The following RNGTT variants were observed in gnomAD, a reference collection of about 807,000 sequenced individuals.
RNGTT encodes the protein mRNA-capping enzyme.
A neutral mutation model predicts 79.3 loss-of-function variants in RNGTT; 33 were observed. That is an observed-to-expected ratio of 0.42 (90% CI 0.32 to 0.56). The LOEUF is 0.56. RNGTT is among the 20% of genes least tolerant of loss of function. The pLI, the probability that RNGTT is intolerant of heterozygous loss-of-function variation, is 0.17. For missense variants in RNGTT, 497 were observed against 739.1 expected (o/e 0.67, Z 3.80); for synonymous variants, 222 against 235.9 (o/e 0.94, Z 0.54).
chr6:88,724,408 G>A (rs532483440), intron 13 of RNGTT, among the ~76,000 whole-genome samples: 30 of 152,134 alleles, frequency 2.0e-4, no homozygotes, highest in Non-Finnish European at 4.0e-4. Flanking sequence ...ACAATATTTA[G>A]TATAGTAATA....
Position 88,929,034 on chromosome 6 carries a change from A to C in RNGTT, c.318T>G (p.Phe106Leu), listed in dbSNP as rs1310745040. 1 of 1,613,378 alleles carries C rather than the reference A, an allele frequency of 6.2e-7. No individual in the cohort carries two copies. The highest frequency in any genetic ancestry group is 1.7e-5 in the Admixed American group (1 of 59,946). ...ECPTTENTET[F>L]IRLCERFNER... is the part of the protein sequence containing the mutation. ...CATTAAACCGCTCACACAGACGAATAAAGGTCTCAGTATTCTCAGTGGTAG... is the reference window on the plus strand; with the variant it reads ...CATTAAACCGCTCACACAGACGAATCAAGGTCTCAGTATTCTCAGTGGTAG... Residue 106 changes from phenylalanine (F) to leucine (L), a missense_variant, in exon 4 of 16, where the codon TTT becomes TTG. Phe to Leu is a conservative substitution (Grantham distance 22). Around this residue, in one of 3 missense-constraint regions of RNGTT, gnomAD observed 440 missense variants for 671.5 expected, o/e 0.66. Transcript: ENST00000369485.
intron 13 of RNGTT, among the ~76,000 whole-genome samples, chr6:88,745,783 A>G (rs925290891): frequency 6.6e-6 from 1 of 152,110 alleles, no homozygotes; most frequent in African/African-American, 2.4e-5. Context: ...AGCAGAAGAA[A>G]AAAAGGCTAG....
intron 13 of RNGTT, among the ~76,000 whole-genome samples, chr6:88,703,004 C>A (rs1474716153): frequency 6.6e-6 from 1 of 152,010 alleles, no homozygotes; most frequent in Admixed American, 6.6e-5. Context: ...AAATGAAATA[C>A]CATCTCACAC....
intron 11 of RNGTT, among the ~76,000 whole-genome samples, chr6:88,825,545 T>C (rs1780628791): frequency 6.6e-6 from 1 of 152,244 alleles, no homozygotes; most frequent in Non-Finnish European, 1.5e-5. Flanking sequence ...TTTAAATAAA[T>C]ACAGCCTATT....
chr6:88,819,252 T>G (rs1044197804), intron 11 of RNGTT, among the ~76,000 whole-genome samples: 1 of 152,024 alleles, frequency 6.6e-6, no homozygotes, highest in African/African-American at 2.4e-5. Flanking sequence ...AGCACCTAAC[T>G]GAACTATAGA....
chr6:88,674,995 G>C lies in RNGTT; in HGVS notation c.1506+3358C>G, dbSNP rs188754331. 3.6e-3 allele frequency among the ~76,000 whole-genome samples: 540 copies of C among 152,086 alleles called. 1 individual carries two copies. The highest frequency in any genetic ancestry group is 5.9e-3 in the Non-Finnish European group (401 of 67,980). The stretch of plus-strand genomic sequence containing the variant: ...AGCCTGTAATCTCAGCTACTCGGGA[G>C]GCTGAGGCAGGAGAATCACTTGAAC... On this transcript the variant is annotated intron_variant, in intron 14 of 15. Transcript: ENST00000369485.
intron 4 of RNGTT, among the ~76,000 whole-genome samples, chr6:88,927,450 G>A (rs1300753583): frequency 1.3e-5 from 2 of 152,060 alleles, no homozygotes; most frequent in Admixed American, 6.6e-5. Flanking sequence ...ATCACCTGAG[G>A]TTGGGAGTTC....
chr6:88,913,228 A>AAAAAAAAAAAAAAC (rs1783892615), intron 4 of RNGTT, among the ~76,000 whole-genome samples: 3 of 129,784 alleles, frequency 2.3e-5, no homozygotes, highest in African/African-American at 8.9e-5. Flanking sequence ...AAAAAAAAAC[A>AAAAAAAAAAAAAAC]AAAAAAAAAA....
intron 14 of RNGTT, among the ~76,000 whole-genome samples, chr6:88,651,747 G>GC (rs201553456): frequency 3.8e-5 from 5 of 130,882 alleles, no homozygotes; most frequent in Admixed American, 1.4e-4. Context: ...CAGCCTTCTT[G>GC]CCCCCCCAAA....
intron 14 of RNGTT, among the ~76,000 whole-genome samples, chr6:88,672,155 T>C (rs1371427917): frequency 1.3e-5 from 2 of 150,038 alleles, no homozygotes; most frequent in East Asian, 3.9e-4. Flanking sequence ...AAAGAAATAA[T>C]CAACAGAATT....
intron 8 of RNGTT, among the ~76,000 whole-genome samples, chr6:88,886,090 C>T (rs569208381): frequency 4.6e-5 from 7 of 152,156 alleles, no homozygotes; most frequent in Non-Finnish European, 7.4e-5. Context: ...CGGATCACGA[C>T]GTCAGGAGAT....
At position 88,929,040 on chromosome 6, in the gene RNGTT, C is replaced by G. The variant is rs1784403760; in HGVS notation, c.312G>C (p.Glu104Asp). The G allele has an allele frequency of 6.2e-7, 1 of 1,612,674 alleles. No individual in the cohort carries two copies. Among genetic ancestry groups the G allele is most frequent in the Non-Finnish European group, 8.5e-7 (1 of 1,179,452 alleles). The stretch of plus-strand genomic sequence containing the variant: ...ACCGCTCACACAGACGAATAAAGGT[C>G]TCAGTATTCTCAGTGGTAGGGCACT... ...HGECPTTENT[E>D]TFIRLCERFN... The change falls in exon 4 of 16, where the codon GAG (glutamate) becomes GAC (aspartate). Residue 104 changes from glutamate (E) to aspartate (D), a missense_variant. By Grantham distance (45) the Glu-to-Asp change is conservative. Coordinates refer to ENST00000369485, the MANE Select transcript of RNGTT (RefSeq NM_003800.5).
At chr6:88,737,439 T>C (rs984619599) in intron 13 of RNGTT, among the ~76,000 whole-genome samples, 1 of 152,212 alleles carries the variant, frequency 6.6e-6, no homozygotes, top group African/African-American at 2.4e-5. Flanking sequence ...AAAATGAATG[T>C]ATTTTTCATG....
intron 11 of RNGTT, among the ~76,000 whole-genome samples, chr6:88,830,858 G>A (rs1428348467): frequency 2.6e-5 from 4 of 152,184 alleles, no homozygotes; most frequent in African/African-American, 9.6e-5. Context: ...TAAATTCCTC[G>A]ACACATACAC....
chr6:88,754,018 T>A (rs1385861730), intron 13 of RNGTT, among the ~76,000 whole-genome samples: 1 of 152,120 alleles, frequency 6.6e-6, no homozygotes, highest in Non-Finnish European at 1.5e-5. Context: ...AGAACATTCT[T>A]GTCATAATTT....
At chr6:88,872,294 G>T (rs1402519881) in intron 8 of RNGTT, among the ~76,000 whole-genome samples, 1 of 152,124 alleles carries the variant, frequency 6.6e-6, no homozygotes, top group Non-Finnish European at 1.5e-5. Flanking sequence ...AGCCAGCTGA[G>T]GAACTGAGGC....
chr6:88,698,271 T>TATTTC (rs746420723), intron 13 of RNGTT, among the ~76,000 whole-genome samples: 1 of 93,906 alleles, frequency 1.1e-5, no homozygotes, highest in Non-Finnish European at 1.9e-5. Context: ...ATATATATGA[T>TATTTC]ATATATATTT....
chr6:88,747,679 A>G (rs1006893648), intron 13 of RNGTT, among the ~76,000 whole-genome samples: 4 of 152,196 alleles, frequency 2.6e-5, no homozygotes, highest in Non-Finnish European at 5.9e-5. Flanking sequence ...GACAAACTGC[A>G]ATGCCTGAGA....
chr6:88,820,812 CT>C (rs1265313166), intron 11 of RNGTT, among the ~76,000 whole-genome samples: 1 of 152,052 alleles, frequency 6.6e-6, no homozygotes, highest in Non-Finnish European at 1.5e-5. Context: ...CAAAGAAGAA[CT>C]AAATAAATGG....
Sources: gnomAD v4.1 joint callset for allele counts (sites outside exome capture counted in the v4.1 genomes callset) on GRCh38, gnomAD v4.1.1 for gene constraint, gnomAD v4.1.1 regional missense constraint, MANE v1.5 for transcripts, NCBI Gene and HGNC (gene_info 2026-07-23, HGNC 2026-07-21) for gene names.